The following NCKAP5 variants were observed in gnomAD, a reference collection of about 807,000 sequenced individuals.
NCKAP5 encodes NCK associated protein 5.
A neutral mutation model predicts 167.0 loss-of-function variants in NCKAP5; 92 were observed. The observed-to-expected ratio is 0.55, with a 90% CI of 0.47 to 0.66. The LOEUF (loss-of-function observed/expected upper bound fraction) is 0.66, where lower values mean the gene tolerates loss of function less well. Ranked by LOEUF, NCKAP5 falls within the 30% of genes least tolerant of loss-of-function variation. The pLI is 0.00. For missense variants in NCKAP5, 2,378 were observed against 2,315.0 expected (o/e 1.03, Z -0.56); for synonymous variants, 891 against 877.4 (o/e 1.02, Z -0.27).
chr2:133,643,307 T>C, the NCKAP5 span, among the ~76,000 whole-genome samples: 4 of 152,200 alleles, frequency 2.6e-5, no homozygotes, highest in Admixed American at 6.5e-5. Context: ...GAAAGTGCCA[T>C]GAAGAAAGGG....
chr2:132,714,298 G>T (rs1689145838), intron 19 of NCKAP5, among the ~76,000 whole-genome samples: 1 of 152,116 alleles, frequency 6.6e-6, no homozygotes, highest in Admixed American at 6.5e-5. Flanking sequence ...AGGTCCCTGG[G>T]TTCCCCTCTC....
the NCKAP5 span, among the ~76,000 whole-genome samples, chr2:133,658,810 TTC>T: frequency 6.6e-6 from 1 of 152,126 alleles, no homozygotes; most frequent in African/African-American, 2.4e-5. Flanking sequence ...ATCCTGCTGA[TTC>T]TCTGAGTCCT....
At chr2:133,119,792 T>C (rs1185135353) in intron 6 of NCKAP5, among the ~76,000 whole-genome samples, 3 of 151,958 alleles carry the variant, frequency 2.0e-5, no homozygotes, top group Non-Finnish European at 4.4e-5. Flanking sequence ...GGGGTCCACA[T>C]AGCCATGTGA....
intron 2 of NCKAP5, among the ~76,000 whole-genome samples, chr2:133,546,350 G>A (rs1443474960): frequency 6.6e-6 from 1 of 152,174 alleles, no homozygotes; most frequent in Non-Finnish European, 1.5e-5. Flanking sequence ...GGCTTAAAAG[G>A]AGTATTTAGA....
At chr2:133,347,997 G>A (rs1684093426) in intron 3 of NCKAP5, among the ~76,000 whole-genome samples, 1 of 152,204 alleles carries the variant, frequency 6.6e-6, no homozygotes, top group Admixed American at 6.5e-5. Context: ...CGATGGGGCA[G>A]GAGACACAGA....
intron 6 of NCKAP5, among the ~76,000 whole-genome samples, chr2:133,034,181 G>A (rs2078970001): frequency 6.6e-6 from 1 of 152,200 alleles, no homozygotes; most frequent in African/African-American, 2.4e-5. Flanking sequence ...AGACTGTTCA[G>A]TGGAAACCTT....
rs767227452 is a variant in NCKAP5 at position 132,725,724 on chromosome 2, G to A, written c.5616C>T (p.Ser1872=). 17 of 1,613,420 alleles carry A rather than the reference G, an allele frequency of 1.1e-5. No homozygotes were observed. The highest frequency in any genetic ancestry group is 6.6e-5 in the South Asian group (6 of 90,964). ...GGTCACTGTCACTATTACTGCCACC[G>A]CTGGCAGAGTACGTACACATTCTGG... ...KAPRMCTYSA[S]GGSNSDSDLD... The change falls in exon 19 of 20, where the codon AGC becomes AGT. Residue 1872 remains serine, a synonymous_variant. Coordinates refer to ENST00000409261, the MANE Select transcript of NCKAP5 (RefSeq NM_207363.3).
chr2:133,008,440 A>G (rs1335622435), intron 6 of NCKAP5, among the ~76,000 whole-genome samples: 1 of 152,246 alleles, frequency 6.6e-6, no homozygotes, highest in Non-Finnish European at 1.5e-5. Flanking sequence ...GTTAATAGAC[A>G]TGTTTTTGAT....
At chr2:133,575,040 G>A in the NCKAP5 span, among the ~76,000 whole-genome samples, 1 of 152,184 alleles carries the variant, frequency 6.6e-6, no homozygotes, top group Admixed American at 6.5e-5. Flanking sequence ...CACAGCGCAT[G>A]TTTACTCTTT....
At chr2:132,727,756 G>C (rs962910306) in intron 18 of NCKAP5, among the ~76,000 whole-genome samples, 4 of 152,136 alleles carry the variant, frequency 2.6e-5, no homozygotes, top group Admixed American at 2.0e-4. Flanking sequence ...AACTTTCCCC[G>C]GGACCCTGAA....
intron 3 of NCKAP5, among the ~76,000 whole-genome samples, chr2:133,446,334 C>T (rs1206512492): frequency 6.6e-6 from 1 of 152,108 alleles, no homozygotes; most frequent in South Asian, 2.1e-4. Context: ...TTCTGGAGCC[C>T]AGAAGTGTCT....
chr2:133,011,205 TC>T (rs372741255), intron 6 of NCKAP5, among the ~76,000 whole-genome samples: 2 of 152,268 alleles, frequency 1.3e-5, no homozygotes, highest in East Asian at 1.9e-4. Flanking sequence ...TGTAAGTTTT[TC>T]CCCCCATCTC....
chr2:133,570,174 T>C (rs1252888256), upstream of NCKAP5, among the ~76,000 whole-genome samples: 2 of 152,162 alleles, frequency 1.3e-5, no homozygotes, highest in East Asian at 3.9e-4. Context: ...AAAAAGAACT[T>C]TGCATATGAT....
At chr2:133,614,737 C>T in the NCKAP5 span, among the ~76,000 whole-genome samples, 54 of 152,174 alleles carry the variant, frequency 3.5e-4, no homozygotes, top group South Asian at 1.5e-3. Context: ...AGGATATTAT[C>T]CAGGAGAACT....
At chr2:133,183,876 G>C (rs2084834787) in intron 5 of NCKAP5, among the ~76,000 whole-genome samples, 1 of 151,992 alleles carries the variant, frequency 6.6e-6, no homozygotes, top group South Asian at 2.1e-4. Flanking sequence ...CAGAATCATA[G>C]GATACAAGAT....
chr2:133,221,461 T>C (rs1210138041), intron 4 of NCKAP5, among the ~76,000 whole-genome samples: 1 of 152,278 alleles, frequency 6.6e-6, no homozygotes, highest in Non-Finnish European at 1.5e-5. Flanking sequence ...GAAATTTTTA[T>C]GCATTCAGCA....
intron 2 of NCKAP5, among the ~76,000 whole-genome samples, chr2:133,542,050 G>A (rs145740703): frequency 6.6e-6 from 1 of 152,218 alleles, no homozygotes; most frequent in East Asian, 1.9e-4. Context: ...CTGGTTGGTG[G>A]AGCTGAGATC....
chr2:132,796,794 T>C, intron 11 of NCKAP5, 65 bp from the exon 12 acceptor site: 2 of 1,143,798 alleles, frequency 1.7e-6, no homozygotes, highest in Non-Finnish European at 2.6e-6. Context: ...AAATCCTGCC[T>C]TGGACAGTTA....
chr2:133,243,243 A>T (rs765154180), intron 4 of NCKAP5, among the ~76,000 whole-genome samples: 8 of 152,142 alleles, frequency 5.3e-5, no homozygotes, highest in Non-Finnish European at 8.8e-5. Context: ...CCTAGAGAGA[A>T]CCTTTCCTGT....
Sources: allele counts gnomAD v4.1 joint callset (sites outside exome capture counted in the v4.1 genomes callset), GRCh38; gene constraint gnomAD v4.1.1; transcripts MANE v1.5; gene names NCBI Gene and HGNC (gene_info 2026-07-23, HGNC 2026-07-21).